Variants in ELAVL1 observed in about 807,000 individuals in gnomAD.
ELAVL1 encodes ELAV like RNA binding protein 1, also known as ELAV-like protein 1.
Under a neutral mutation model 28.4 loss-of-function variants are expected in ELAVL1, and 1 was observed. That is an observed-to-expected ratio of 0.04 (90% confidence interval 0.01 to 0.17). ELAVL1 has a LOEUF of 0.17. Ranked by LOEUF, ELAVL1 falls within the 10% of genes least tolerant of loss-of-function variation. The pLI is 1.00. For missense variants in ELAVL1, 157 were observed against 447.2 expected, an observed-to-expected ratio of 0.35 and a Z score of 5.85; for synonymous variants, 174 against 183.5, an observed-to-expected ratio of 0.95 and a Z score of 0.42.
At chr19:8,000,804 C>A (rs550778990) in intron 1 of ELAVL1, among the ~76,000 whole-genome samples, 1 of 152,362 alleles carries the variant, frequency 6.6e-6, no homozygotes, top group South Asian at 2.1e-4. Context: ...AGTGACAATT[C>A]CCTTTCAGCC....
At chr19:7,986,488 G>A (rs2145218026) in intron 2 of ELAVL1, among the ~76,000 whole-genome samples, 1 of 152,334 alleles carries the variant, frequency 6.6e-6, no homozygotes, top group South Asian at 2.1e-4. Context: ...TCCCTCACAG[G>A]GTGGCAAAGG....
rs1240229778 is a variant in ELAVL1, at chr19:7,960,704, A to C, written c.*2779T>G. On this transcript the variant is annotated 3_prime_UTR_variant, in exon 6 of 6. Coordinates refer to ENST00000407627, the MANE Select transcript of ELAVL1 (RefSeq NM_001419.3). ...GATTTTTGATAAATGAACATTATCTACTCTGAACGCTTTTTCATCGAAATT... is the reference window on the plus strand; with the variant it reads ...GATTTTTGATAAATGAACATTATCTCCTCTGAACGCTTTTTCATCGAAATT... 6.6e-6 allele frequency: 1 copy of C among 152,560 alleles called. No homozygotes were observed. The highest frequency in any genetic ancestry group is 1.5e-5 in the Non-Finnish European group (1 of 68,024). The allele number at this position is 152,560 out of a possible 1,614,324, so 9.5% of individuals were successfully genotyped here. A position where few individuals can be genotyped will look rare whatever the true frequency, so the allele number is the denominator to read the frequency against.
rs140918525 is a variant in ELAVL1, at chr19:7,992,889, C to G, written c.-16-1058G>C. Among the ~76,000 whole-genome samples, 893 of 152,312 alleles carry G rather than the reference C, an allele frequency of 5.9e-3. 4 individuals are homozygous for G. The highest frequency in any genetic ancestry group is 6.9e-3 in the Non-Finnish European group (468 of 68,022). On this transcript the variant is annotated intron_variant, in intron 1 of 5. Transcript: ENST00000407627. ...GGGAGATCCTCAAGCGATCCTCACA[C>G]CTCAGCCTCCTGAGTAGCTGGGAAC...
chr19:7,969,591 TGA>T (rs1376709295), intron 4 of ELAVL1, among the ~76,000 whole-genome samples: 2 of 152,226 alleles, frequency 1.3e-5, no homozygotes, highest in African/African-American at 4.8e-5. Flanking sequence ...CTGTTTTCTT[TGA>T]GTCTCTCACG....
chr19:7,969,333 CG>C (rs928876761), intron 4 of ELAVL1, among the ~76,000 whole-genome samples: 2 of 152,204 alleles, frequency 1.3e-5, no homozygotes, highest in Admixed American at 1.3e-4. Context: ...ACCTGTCCAG[CG>C]GGCACCCAAC....
At position 7,963,711 on chromosome 19, in the gene ELAVL1, C is replaced by G. The variant is rs1328464850; in HGVS notation, c.753G>C (p.Leu251=). 2 of 1,614,262 alleles carry G rather than the reference C, an allele frequency of 1.2e-6. No individual in the cohort carries two copies. The highest frequency in any genetic ancestry group is 3.3e-5 in the Admixed American group (2 of 60,034). Residue 251 remains leucine (L), a synonymous_variant, in exon 6 of 6, where the codon CTG becomes CTC. Coordinates refer to ENST00000407627, the MANE Select transcript of ELAVL1 (RefSeq NM_001419.3). The surrounding 1 kb of genome is among the most constrained non-coding windows in gnomAD (Gnocchi z 4.5). The part of the protein sequence containing the change: ...SSGWCIFIYN[L]GQDADEGILW... Reference sequence around the variant, plus strand: ...GGATCCCCTCGTCGGCATCCTGCCCCAGGTTGTAGATGAAAATGCACCAGC... The same window carrying G: ...GGATCCCCTCGTCGGCATCCTGCCCGAGGTTGTAGATGAAAATGCACCAGC...
Position 7,982,106 on chromosome 19 carries a change from C to T in ELAVL1, c.173-920G>A, listed in dbSNP as rs571309048. ...AACACTCAGCACAGGTACAAGTGAA[C>T]ACCCACTCACTGGATACCATGGGAG... On this transcript the variant is annotated intron_variant, in intron 2 of 5. Coordinates refer to ENST00000407627, the MANE Select transcript of ELAVL1 (RefSeq NM_001419.3). This position sits in a 1 kb window ranked among gnomAD's most constrained non-coding sequence, Gnocchi z 4.3. Among the ~76,000 whole-genome samples the T allele has an allele frequency of 3.3e-5, 5 of 152,300 alleles. No homozygotes were observed. Among genetic ancestry groups the T allele is most frequent in the East Asian group, 1.9e-4 (1 of 5,188 alleles).
chr19:7,991,765 G>T lies in ELAVL1; in HGVS notation c.51C>A (p.Ile17=). ...AGTTGACGATCAAATTCGTTCTCCC[G>T]ATGTCACCCCTGCAGTCTTCGGCCA... ...DHMAEDCRGD[I]GRTNLIVNYL... is the part of the protein sequence containing the mutation. Residue 17 remains isoleucine (I), a synonymous_variant, in exon 2 of 6, where the codon ATC becomes ATA. Coordinates refer to ENST00000407627, the MANE Select transcript of ELAVL1 (RefSeq NM_001419.3). 6.2e-7 allele frequency: 1 copy of T among 1,614,056 alleles called. No individual in the cohort carries two copies. Among genetic ancestry groups the T allele is most frequent in the Non-Finnish European group, 8.5e-7 (1 of 1,180,024 alleles).
intron 4 of ELAVL1, among the ~76,000 whole-genome samples, chr19:7,968,932 T>C (rs761419800): frequency 6.6e-6 from 1 of 152,094 alleles, no homozygotes; most frequent in Admixed American, 6.5e-5. Flanking sequence ...AAGGACATGA[T>C]GGAGTCAGGG....
intron 4 of ELAVL1, among the ~76,000 whole-genome samples, chr19:7,969,914 T>C (rs1376083286): frequency 6.6e-6 from 1 of 152,140 alleles, no homozygotes; most frequent in Non-Finnish European, 1.5e-5. Flanking sequence ...ATTTAATGGA[T>C]GTATACTTTC....
intron 4 of ELAVL1, chr19:7,972,854 C>G (rs1985158265): frequency 7.1e-6 from 1 of 140,192 alleles, no homozygotes; most frequent in African/African-American, 2.6e-5. Flanking sequence ...CTCTGCTGCC[C>G]AGGCTGGAGT....
intron 5 of ELAVL1, among the ~76,000 whole-genome samples, chr19:7,966,693 C>T (rs970862847): frequency 1.6e-4 from 25 of 152,286 alleles, no homozygotes; most frequent in African/African-American, 5.5e-4. Flanking sequence ...AATCATAGTT[C>T]ACTGCAGCCT....
At chr19:7,995,887 A>G (rs374254042) in intron 1 of ELAVL1, among the ~76,000 whole-genome samples, 6 of 151,494 alleles carry the variant, frequency 4.0e-5, no homozygotes, top group African/African-American at 1.4e-4. Context: ...TGGAGTAAAC[A>G]TTTGCAAAAG....
chr19:7,974,497 G>A (rs1262273489), intron 3 of ELAVL1, among the ~76,000 whole-genome samples: 1 of 152,240 alleles, frequency 6.6e-6, no homozygotes, highest in East Asian at 1.9e-4. Flanking sequence ...CGTGTGGAGA[G>A]GGTGGTGAGG....
At chr19:7,975,212 C>T (rs1009850659) in intron 3 of ELAVL1, among the ~76,000 whole-genome samples, 5 of 152,310 alleles carry the variant, frequency 3.3e-5, no homozygotes, top group African/African-American at 4.8e-5. Flanking sequence ...CCCTAGTGTC[C>T]GGGCTTGCCC....
chr19:7,989,395 G>A (rs561271148), intron 2 of ELAVL1, among the ~76,000 whole-genome samples: 9 of 152,298 alleles, frequency 5.9e-5, no homozygotes, highest in African/African-American at 9.6e-5. Context: ...GCTCACCTCC[G>A]AACTGAAATA....
intron 3 of ELAVL1, among the ~76,000 whole-genome samples, chr19:7,976,369 T>C (rs1167591281): frequency 1.3e-5 from 2 of 151,116 alleles, no homozygotes; most frequent in Non-Finnish European, 2.9e-5. Context: ...GCCACTGCAC[T>C]CCAGCCTGAG....
At chr19:7,999,888 G>T (rs149539021) in intron 1 of ELAVL1, among the ~76,000 whole-genome samples, 38 of 152,052 alleles carry the variant, frequency 2.5e-4, no homozygotes, top group African/African-American at 8.7e-4. Context: ...GTGATTCTCC[G>T]GCTTCAGCCT....
rs564631557 is a variant in ELAVL1 at position 7,982,365 on chromosome 19, G to A, written c.173-1179C>T. 2.0e-5 allele frequency among the ~76,000 whole-genome samples: 3 copies of A among 152,126 alleles called. No homozygotes were observed. The highest frequency in any genetic ancestry group is 2.9e-5 in the Non-Finnish European group (2 of 68,036). On this transcript the variant is annotated intron_variant, in intron 2 of 5. Transcript: ENST00000407627. The surrounding 1 kb of genome is among the most constrained non-coding windows in gnomAD (Gnocchi z 4.3). ...GCTCCATTCCCCCAGCCGGCAGAGC[G>A]CGACAACGAGCAGGTCACCGAACAG...
Sources: allele counts gnomAD v4.1 joint callset (sites outside exome capture counted in the v4.1 genomes callset), GRCh38; gene constraint gnomAD v4.1.1; non-coding constraint Gnocchi (gnomAD v3.1); transcripts MANE v1.5; gene names NCBI Gene and HGNC (gene_info 2026-07-23, HGNC 2026-07-21).